Variants in DCT observed in about 807,000 individuals in gnomAD.
DCT encodes the protein dopachrome tautomerase, also known as L-dopachrome tautomerase.
DCT carries 47 observed loss-of-function variants against 53.0 expected under a neutral mutation model. The ratio of observed to expected loss-of-function variants is 0.89; its 90% CI spans 0.70 to 1.13. The LOEUF (loss-of-function observed/expected upper bound fraction) is 1.13, where lower values mean the gene tolerates loss of function less well. DCT is among the 50% of genes most tolerant of loss of function. DCT has a pLI of 0.00. For synonymous variants in DCT, 244 were observed against 237.0 expected, an observed-to-expected ratio of 1.03 and a Z score of -0.27; for missense variants, 669 against 637.4, an observed-to-expected ratio of 1.05 and a Z score of -0.53.
chr13:94,464,711 G>A (rs894057095), intron 4 of DCT, among the ~76,000 whole-genome samples: 1 of 151,806 alleles, frequency 6.6e-6, no homozygotes, highest in African/African-American at 2.4e-5. Flanking sequence ...GGAAGGTGAG[G>A]TGAGGAGCCT....
intron 7 of DCT, among the ~76,000 whole-genome samples, chr13:94,440,979 C>G (rs915132808): frequency 2.6e-5 from 4 of 152,050 alleles, no homozygotes; most frequent in African/African-American, 4.8e-5. Flanking sequence ...CTGCACCTGG[C>G]CGAATTTCAT....
Position 94,462,002 on chromosome 13 carries a change from G to C in DCT, c.1043+8C>G, listed in dbSNP as rs368199467. 1.7e-4 allele frequency: 275 copies of C among 1,611,978 alleles called. No homozygotes were observed. Among genetic ancestry groups the C allele is most frequent in the Non-Finnish European group, 2.2e-4 (260 of 1,179,024 alleles). On this transcript the variant is annotated splice_region_variant and intron_variant, in intron 5 of 7. Transcript: ENST00000377028. The stretch of plus-strand genomic sequence containing the variant: ...ACAGGCAGGTCCAGCAGAGCTCAGA[G>C]CACCCACCTGAAACTGAAGGTAGAG...
chr13:94,544,220 C>G, the DCT span, among the ~76,000 whole-genome samples: 1 of 151,980 alleles, frequency 6.6e-6, no homozygotes, highest in Non-Finnish European at 1.5e-5. Context: ...TGCCTCCTAT[C>G]TCAAAGGATT....
the DCT span, among the ~76,000 whole-genome samples, chr13:94,536,288 T>C: frequency 1.3e-5 from 2 of 152,180 alleles, no homozygotes; most frequent in Non-Finnish European, 2.9e-5. Context: ...AGTAATGTTC[T>C]GGGAGCAGCC....
chr13:94,453,391 T>C (rs1015431379), intron 6 of DCT, among the ~76,000 whole-genome samples: 2 of 152,176 alleles, frequency 1.3e-5, no homozygotes, highest in African/African-American at 2.4e-5. Context: ...TTCACCAACA[T>C]TTCTGTAATT....
chr13:94,473,262 A>G (rs968679039), intron 1 of DCT, among the ~76,000 whole-genome samples: 17 of 152,200 alleles, frequency 1.1e-4, no homozygotes, highest in Non-Finnish European at 4.4e-5. Context: ...CCTTCAGTAC[A>G]GTATTTAGTA....
At chr13:94,466,697 G>A in intron 2 of DCT, 39 bp from the exon 3 acceptor site, 1 of 1,397,636 alleles carries the variant, frequency 7.2e-7, no homozygotes, top group Non-Finnish European at 9.9e-7. Flanking sequence ...TGACAGAATA[G>A]AATTTTTTAA....
At position 94,469,003 on chromosome 13, in the gene DCT, C is replaced by T. The variant is rs540335282; in HGVS notation, c.338G>A (p.Trp113Ter). Residue 113 changes from tryptophan to a stop codon, truncating the protein, a stop_gained, in exon 2 of 8, where the codon TGG becomes TAG. Transcript: ENST00000377028. LOFTEE classifies it high-confidence loss of function. The part of the protein sequence containing the change: ...GYNCGDCKFG[W>*]TGPNCERKKP... The stretch of plus-strand genomic sequence containing the variant: ...CTTCCGCTCGCAGTTGGGACCGGTC[C>T]AGCCAAACTTGCAGTCTCCACAATT... The T allele has an allele frequency of 6.2e-7, 1 of 1,614,112 alleles. No individual in the cohort carries two copies.
chr13:94,483,556 G>A (rs1346691144), upstream of DCT, among the ~76,000 whole-genome samples: 1 of 151,816 alleles, frequency 6.6e-6, no homozygotes, highest in Non-Finnish European at 1.5e-5. Flanking sequence ...AGGCTGGAGT[G>A]CAGTGGTGCA....
chr13:94,543,210 G>A, the DCT span, among the ~76,000 whole-genome samples: 1 of 152,124 alleles, frequency 6.6e-6, no homozygotes, highest in East Asian at 1.9e-4. Flanking sequence ...TTTGCTTCTA[G>A]TCACTTAGTG....
chr13:94,471,459 T>G (rs1018477995), intron 1 of DCT, among the ~76,000 whole-genome samples: 1 of 152,212 alleles, frequency 6.6e-6, no homozygotes, highest in African/African-American at 2.4e-5. Flanking sequence ...AGTTAAACAT[T>G]AAAATGTACA....
chr13:94,441,433 T>C (rs940013063), intron 7 of DCT, among the ~76,000 whole-genome samples: 5 of 152,178 alleles, frequency 3.3e-5, no homozygotes, highest in Non-Finnish European at 7.3e-5. Flanking sequence ...TACATTCACA[T>C]TGTTGTGCGA....
the DCT span, among the ~76,000 whole-genome samples, chr13:94,523,200 CA>C: frequency 3.1e-3 from 473 of 152,354 alleles, 2 homozygotes; most frequent in African/African-American, 0.011. Context: ...GGATGCTAAT[CA>C]GCCATACTGA....
the DCT span, among the ~76,000 whole-genome samples, chr13:94,528,533 C>A: frequency 6.6e-6 from 1 of 152,118 alleles, no homozygotes; most frequent in Non-Finnish European, 1.5e-5. Context: ...TCATATCCAG[C>A]CAAACTAAGC....
the DCT span, among the ~76,000 whole-genome samples, chr13:94,493,104 G>A: frequency 6.6e-6 from 1 of 152,088 alleles, no homozygotes; most frequent in East Asian, 1.9e-4. Context: ...AGACTCTTTT[G>A]CAACATGACC....
the DCT span, among the ~76,000 whole-genome samples, chr13:94,523,027 C>T: frequency 6.6e-6 from 1 of 152,216 alleles, no homozygotes; most frequent in African/African-American, 2.4e-5. Flanking sequence ...TTGCTCCCAA[C>T]ATGCAATCAC....
At chr13:94,493,656 A>G in the DCT span, among the ~76,000 whole-genome samples, 2 of 152,328 alleles carry the variant, frequency 1.3e-5, no homozygotes, top group African/African-American at 4.8e-5. Context: ...GCTACATACG[A>G]TATGATTCCA....
intron 6 of DCT, chr13:94,444,244 G>A: frequency 3.5e-6 from 1 of 287,116 alleles, no homozygotes; most frequent in Admixed American, 4.3e-5. Flanking sequence ...TATAATGCAA[G>A]TATTCCGAAA....
chr13:94,472,523 T>C (rs1287948962), intron 1 of DCT, among the ~76,000 whole-genome samples: 1 of 4,794 alleles, frequency 2.1e-4, no homozygotes, highest in Non-Finnish European at 3.9e-4. Flanking sequence ...CATACATACA[T>C]ATATATATAT....
Sources: gnomAD v4.1 joint callset for allele counts (sites outside exome capture counted in the v4.1 genomes callset) on GRCh38, gnomAD v4.1.1 for gene constraint, MANE v1.5 for transcripts, NCBI Gene and HGNC (gene_info 2026-07-23, HGNC 2026-07-21) for gene names.